The following MBNL1 variants were observed in gnomAD, a reference collection of about 807,000 sequenced individuals.
MBNL1 encodes muscleblind like splicing regulator 1, also known as muscleblind-like protein 1.
Under a neutral mutation model 42.2 loss-of-function variants are expected in MBNL1, and 8 were observed. The ratio of observed to expected loss-of-function variants is 0.19; its 90% CI spans 0.11 to 0.34. The LOEUF (loss-of-function observed/expected upper bound fraction) is 0.34, where lower values mean the gene tolerates loss of function less well. Among genes scored for constraint, MBNL1 ranks in the 10% least tolerant of loss-of-function variants. The pLI is 1.00. For missense variants in MBNL1, 309 were observed against 495.3 expected (o/e 0.62, Z 3.57); for synonymous variants, 169 against 173.9 (o/e 0.97, Z 0.22).
intron 2 of MBNL1, among the ~76,000 whole-genome samples, chr3:152,362,029 T>C (rs531445854): frequency 2.0e-5 from 3 of 152,350 alleles, no homozygotes; most frequent in Admixed American, 6.5e-5. Flanking sequence ...GGAATTGCTA[T>C]AATTAGACAC....
At chr3:152,317,598 GCGTGAGCCAC>G (rs2072863056) in intron 2 of MBNL1, among the ~76,000 whole-genome samples, 1 of 152,104 alleles carries the variant, frequency 6.6e-6, no homozygotes. Context: ...GGGATTACAG[GCGTGAGCCAC>G]CGTGCCTGGC....
At chr3:152,393,729 C>T (rs1246358517) in intron 2 of MBNL1, among the ~76,000 whole-genome samples, 1 of 152,044 alleles carries the variant, frequency 6.6e-6, no homozygotes, top group African/African-American at 2.4e-5. Flanking sequence ...AAGTAGATAC[C>T]TTATATATTT....
At chr3:152,323,141 T>C (rs1279345832) in intron 2 of MBNL1, among the ~76,000 whole-genome samples, 1 of 152,158 alleles carries the variant, frequency 6.6e-6, no homozygotes, top group East Asian at 1.9e-4. Flanking sequence ...ATTTGCATTC[T>C]ATGTAAAAAA....
chr3:152,376,135 G>A (rs1490164386), intron 2 of MBNL1, among the ~76,000 whole-genome samples: 1 of 152,086 alleles, frequency 6.6e-6, no homozygotes, highest in African/African-American at 2.4e-5. Flanking sequence ...ACTATAAGAT[G>A]CATGAATATA....
intron 2 of MBNL1, among the ~76,000 whole-genome samples, chr3:152,308,970 A>G (rs755914742): frequency 6.6e-6 from 1 of 152,174 alleles, no homozygotes; most frequent in Non-Finnish European, 1.5e-5. Flanking sequence ...TTAGGGAGGC[A>G]GATGTTAACA....
At chr3:152,429,422 ACTTT>A (rs1200833886) in intron 3 of MBNL1, among the ~76,000 whole-genome samples, 2 of 152,308 alleles carry the variant, frequency 1.3e-5, no homozygotes, top group African/African-American at 4.8e-5. Context: ...TATAAACCAA[ACTTT>A]CTTATGTCTT....
intron 1 of MBNL1, among the ~76,000 whole-genome samples, chr3:152,277,845 ATTAG>A (rs1238988608): frequency 2.0e-5 from 3 of 152,104 alleles, no homozygotes; most frequent in East Asian, 3.8e-4. Context: ...TTTACAACTT[ATTAG>A]TTATTTAGAT....
intron 2 of MBNL1, among the ~76,000 whole-genome samples, chr3:152,332,731 TGTGTGTGTGCGC>T (rs1430196500): frequency 3.7e-5 from 5 of 134,172 alleles, no homozygotes; most frequent in African/African-American, 1.5e-4. Context: ...TGTGTGTGTG[TGTGTGTGTGCGC>T]GCGCGCATGC....
At chr3:152,438,659 G>T (rs994624315) in intron 4 of MBNL1, among the ~76,000 whole-genome samples, 2 of 152,154 alleles carry the variant, frequency 1.3e-5, no homozygotes, top group Admixed American at 6.5e-5. Context: ...CTGCAGTGGG[G>T]TTTGATAATA....
chr3:152,340,640 C>G, intron 2 of MBNL1: 2 of 1,613,950 alleles, frequency 1.2e-6, no homozygotes, highest in Non-Finnish European at 1.7e-6. Context: ...AACCCACAAG[C>G]GTAAATGTTC....
At chr3:152,355,538 G>A (rs1158413151) in intron 2 of MBNL1, among the ~76,000 whole-genome samples, 2 of 152,078 alleles carry the variant, frequency 1.3e-5, no homozygotes, top group African/African-American at 2.4e-5. Flanking sequence ...TAGTTTAAGT[G>A]CATGTTATTT....
At chr3:152,420,704 CTCT>C (rs1308318684) in intron 3 of MBNL1, among the ~76,000 whole-genome samples, 1 of 152,194 alleles carries the variant, frequency 6.6e-6, no homozygotes, top group African/African-American at 2.4e-5. Flanking sequence ...ACCAGATTGC[CTCT>C]TCTTCTCCAA....
At chr3:152,357,624 TG>T (rs2095623385) in intron 2 of MBNL1, among the ~76,000 whole-genome samples, 1 of 152,072 alleles carries the variant, frequency 6.6e-6, no homozygotes, top group African/African-American at 2.4e-5. Context: ...GAAAGTAGAG[TG>T]GAGCAGGAGA....
chr3:152,269,633 G>A, intron 1 of MBNL1: 1 of 391,094 alleles, frequency 2.6e-6, no homozygotes, highest in Non-Finnish European at 5.2e-6. Flanking sequence ...GCCTTATATG[G>A]AGAGTGCTGT....
rs1156617110 is a variant in MBNL1 at position 152,463,265 on chromosome 3, TA to T, written c.*901del. 1 of 150,988 alleles carries T rather than the reference TA, an allele frequency of 6.6e-6. No individual in the cohort carries two copies. Among genetic ancestry groups the T allele is most frequent in the Non-Finnish European group, 1.5e-5 (1 of 67,704 alleles). The allele number at this position is 150,988 out of a possible 1,614,324, so 9.4% of individuals were successfully genotyped here. On this transcript the variant is annotated 3_prime_UTR_variant, in exon 10 of 10. Transcript: ENST00000324210. Reference sequence around the variant, plus strand: ...CTCACACATACTGGAGATATATATATAATAGATATATATAAAATTATTTTAA... The same window carrying T: ...CTCACACATACTGGAGATATATATATATAGATATATATAAAATTATTTTAA...
At chr3:152,261,574 C>G (rs2036285515) in intron 2 of MBNL1, among the ~76,000 whole-genome samples, 2 of 152,100 alleles carry the variant, frequency 1.3e-5, no homozygotes, top group South Asian at 4.2e-4. Context: ...AATCTCCTAT[C>G]ACCTAGTTGA....
chr3:152,391,629 T>C (rs1442014211), intron 2 of MBNL1, among the ~76,000 whole-genome samples: 3 of 152,226 alleles, frequency 2.0e-5, no homozygotes, highest in Non-Finnish European at 2.9e-5. Context: ...CTTTATTCTC[T>C]GCATTTAGCT....
At chr3:152,387,371 A>G (rs2097492842) in intron 2 of MBNL1, among the ~76,000 whole-genome samples, 2 of 152,114 alleles carry the variant, frequency 1.3e-5, no homozygotes. Flanking sequence ...TAATAAAGCA[A>G]ATTCTTGGAA....
chr3:152,379,467 A>C (rs975517452), intron 2 of MBNL1, among the ~76,000 whole-genome samples: 1 of 152,136 alleles, frequency 6.6e-6, no homozygotes, highest in African/African-American at 2.4e-5. Flanking sequence ...GGAAAAATAT[A>C]TTTTCCTTTC....
Sources: allele counts gnomAD v4.1 joint callset (sites outside exome capture counted in the v4.1 genomes callset), GRCh38; gene constraint gnomAD v4.1.1; transcripts MANE v1.5; gene names NCBI Gene and HGNC (gene_info 2026-07-23, HGNC 2026-07-21).